The following NRXN1 variants were observed in gnomAD, a reference collection of about 807,000 sequenced individuals.
NRXN1 encodes neurexin-1.
A neutral mutation model predicts 150.9 loss-of-function variants in NRXN1; 39 were observed. The ratio of observed to expected loss-of-function variants is 0.26; its 90% CI spans 0.20 to 0.34. NRXN1 has a LOEUF of 0.34. NRXN1 is among the 10% of genes least tolerant of loss of function. NRXN1 has a pLI of 1.00. For missense variants in NRXN1, 1,815 were observed against 1,949.9 expected (o/e 0.93, Z 1.30); for synonymous variants, 924 against 757.0 (o/e 1.22, Z -3.62).
chr2:50,532,423 A>G (rs2105216640), intron 10 of NRXN1, among the ~76,000 whole-genome samples: 1 of 152,300 alleles, frequency 6.6e-6, no homozygotes, highest in South Asian at 2.1e-4. Context: ...TGATGTTCAA[A>G]AAGAAAAAAG....
chr2:50,220,207 C>T (rs1345150252), intron 18 of NRXN1, among the ~76,000 whole-genome samples: 8 of 150,460 alleles, frequency 5.3e-5, no homozygotes, highest in Non-Finnish European at 7.4e-5. Flanking sequence ...ATGAGGGAAA[C>T]ATATTATTTT....
At chr2:50,938,639 T>TA (rs1688910555) in intron 2 of NRXN1, among the ~76,000 whole-genome samples, 1 of 152,194 alleles carries the variant, frequency 6.6e-6, no homozygotes, top group African/African-American at 2.4e-5. Flanking sequence ...GGGTAATTCA[T>TA]AAAGAGTTTA....
intron 10 of NRXN1, among the ~76,000 whole-genome samples, chr2:50,535,465 C>A (rs571851505): frequency 3.3e-4 from 50 of 152,302 alleles, no homozygotes; most frequent in Admixed American, 7.2e-4. Flanking sequence ...AGACAGGGAG[C>A]CAAATTATAT....
chr2:50,476,447 A>G (rs532778859), intron 15 of NRXN1, among the ~76,000 whole-genome samples: 69 of 152,086 alleles, frequency 4.5e-4, no homozygotes, highest in African/African-American at 1.3e-3. Flanking sequence ...TTCTTCATCT[A>G]TGAAATGGGG....
At chr2:50,085,049 T>C (rs1698591203) in intron 19 of NRXN1, among the ~76,000 whole-genome samples, 1 of 152,228 alleles carries the variant, frequency 6.6e-6, no homozygotes, top group African/African-American at 2.4e-5. Flanking sequence ...CTTGTTTAAT[T>C]TACTCAGCTA....
intron 8 of NRXN1, among the ~76,000 whole-genome samples, chr2:50,597,718 C>T (rs760888354): frequency 1.8e-4 from 27 of 152,116 alleles, no homozygotes; most frequent in East Asian, 3.9e-4. Context: ...GTTTGCTGCT[C>T]GGCAGCCAAC....
chr2:50,628,354 C>T (rs1310487732), intron 5 of NRXN1, among the ~76,000 whole-genome samples: 2 of 151,596 alleles, frequency 1.3e-5, no homozygotes, highest in African/African-American at 4.8e-5. Context: ...TTCAAATTTA[C>T]ATTAAAGGCA....
At chr2:50,774,430 C>T (rs1435516526) in intron 5 of NRXN1, among the ~76,000 whole-genome samples, 1 of 152,208 alleles carries the variant, frequency 6.6e-6, no homozygotes, top group East Asian at 1.9e-4. Context: ...AAAAGTAACA[C>T]TAAACAGTGG....
intron 21 of NRXN1, among the ~76,000 whole-genome samples, chr2:50,007,691 T>C (rs1340153215): frequency 1.3e-5 from 2 of 152,182 alleles, no homozygotes; most frequent in East Asian, 1.9e-4. Flanking sequence ...ACAATAAACA[T>C]ACATGTGCAT....
At position 50,128,800 on chromosome 2, in the gene NRXN1, T is replaced by C. The variant is rs559996078; in HGVS notation, c.3547-37306A>G. On this transcript the variant is annotated intron_variant, in intron 18 of 22. Coordinates refer to ENST00000401669, the MANE Select transcript of NRXN1 (RefSeq NM_001330078.2). ...GAGTTTGAGACCAGCCTGGCCAACA[T>C]GGCGAAACCACATCTCTATTAAAAC... 2.8e-3 allele frequency among the ~76,000 whole-genome samples: 423 copies of C among 151,926 alleles called. 2 individuals are homozygous for C. The highest frequency in any genetic ancestry group is 9.7e-3 in the African/African-American group (403 of 41,420).
chr2:50,934,354 T>C (rs1688210272), intron 2 of NRXN1, among the ~76,000 whole-genome samples: 1 of 152,196 alleles, frequency 6.6e-6, no homozygotes, highest in African/African-American at 2.4e-5. Context: ...TTACTAATAA[T>C]AGGCATTAAA....
At chr2:50,146,395 A>G (rs918013445) in intron 18 of NRXN1, among the ~76,000 whole-genome samples, 2 of 151,770 alleles carry the variant, frequency 1.3e-5, no homozygotes, top group African/African-American at 4.8e-5. Context: ...TTACTGCAGC[A>G]CTATTCACAA....
rs1029987662 is a variant in NRXN1 at position 50,355,792 on chromosome 2, T to A, written c.3364+109650A>T. 5.3e-5 allele frequency among the ~76,000 whole-genome samples: 8 copies of A among 152,314 alleles called. No homozygotes were observed. The East Asian group carries it at 5.8e-4, about 11-fold the overall frequency. ...TGTAACAGTGTATTCACATTACTATTGTGCAGAATAAATGATGATCAAAGC... is the reference window on the plus strand; with the variant it reads ...TGTAACAGTGTATTCACATTACTATAGTGCAGAATAAATGATGATCAAAGC... On this transcript the variant is annotated intron_variant, in intron 17 of 22. Transcript: ENST00000401669.
At chr2:50,131,221 T>C (rs191687313) in intron 18 of NRXN1, among the ~76,000 whole-genome samples, 2 of 152,356 alleles carry the variant, frequency 1.3e-5, no homozygotes, top group Admixed American at 6.5e-5. Context: ...ATAATATTTA[T>C]GCGGCCCTTT....
intron 15 of NRXN1, among the ~76,000 whole-genome samples, chr2:50,474,582 G>A (rs921242877): frequency 3.4e-4 from 51 of 148,122 alleles, no homozygotes; most frequent in African/African-American, 1.2e-3. Flanking sequence ...GCTGCATGGT[G>A]GACTTAGATA....
chr2:50,497,531 T>A lies in NRXN1; in HGVS notation c.2681A>T (p.Asn894Ile). The change falls in exon 14 of 23, where the codon AAT (asparagine) becomes ATT (isoleucine). Residue 894 changes from asparagine to isoleucine, a missense_variant. By Grantham distance (149) the Asn-to-Ile change is moderately radical. Transcript: ENST00000401669. ...GATGTTCCTGAAGCCAAATCTGGCA[T>A]TAAGCTCACAGTAATCTATGTCGCC... is the stretch of plus-strand genomic sequence containing the variant. ...KNGDIDYCELNARFGFRNIIA... is the reference protein window; with the variant it reads ...KNGDIDYCELIARFGFRNIIA... 2.5e-6 allele frequency: 4 copies of A among 1,613,928 alleles called. No homozygotes were observed. Among genetic ancestry groups the A allele is most frequent in the Non-Finnish European group, 2.5e-6 (3 of 1,179,864 alleles).
At chr2:50,408,751 T>C (rs1480293540) in intron 17 of NRXN1, among the ~76,000 whole-genome samples, 2 of 151,814 alleles carry the variant, frequency 1.3e-5, no homozygotes, top group African/African-American at 2.4e-5. Context: ...CATTCCCTAT[T>C]GCCACAGCTG....
At chr2:50,118,432 T>C (rs1309026304) in intron 18 of NRXN1, among the ~76,000 whole-genome samples, 1 of 150,648 alleles carries the variant, frequency 6.6e-6, no homozygotes, top group East Asian at 2.0e-4. Flanking sequence ...TTTCTCTGTC[T>C]CCTGGTTTCA....
chr2:50,531,585 A>T (rs2105209854), intron 10 of NRXN1, among the ~76,000 whole-genome samples, 155 bp from the exon 11 acceptor site: 1 of 152,288 alleles, frequency 6.6e-6, no homozygotes, highest in East Asian at 1.9e-4. Context: ...CAAAACTGTG[A>T]GCTGGAAAGA....
Sources: gnomAD v4.1 joint callset for allele counts (sites outside exome capture counted in the v4.1 genomes callset) on GRCh38, gnomAD v4.1.1 for gene constraint, MANE v1.5 for transcripts, NCBI Gene and HGNC (gene_info 2026-07-23, HGNC 2026-07-21) for gene names.